PKHD1L1: variants seen among roughly 807,000 people sequenced by gnomAD.
The protein encoded by PKHD1L1 is PKHD1 like 1.
A neutral mutation model predicts 462.9 loss-of-function variants in PKHD1L1; 434 were observed. The ratio of observed to expected loss-of-function variants is 0.94; its 90% confidence interval spans 0.87 to 1.02. The LOEUF is 1.02. Ranked by LOEUF, PKHD1L1 falls within the 50% of genes least tolerant of loss-of-function variation. The pLI is 0.00. For missense variants in PKHD1L1, 5,202 were observed against 5,096.1 expected (o/e 1.02, Z -0.63); for synonymous variants, 1,781 against 1,750.0 (o/e 1.02, Z -0.44).
chr8:109,425,917 G>T (rs1409214303), intron 24 of PKHD1L1, among the ~76,000 whole-genome samples: 1 of 151,954 alleles, frequency 6.6e-6, no homozygotes, highest in African/African-American at 2.4e-5. Flanking sequence ...ACCTGGTTTT[G>T]TTTTCTTTCT....
At chr8:109,441,053 T>C (rs1815758953) in intron 33 of PKHD1L1, among the ~76,000 whole-genome samples, 1 of 152,134 alleles carries the variant, frequency 6.6e-6, no homozygotes, top group Non-Finnish European at 1.5e-5. Context: ...ACTGTGTATT[T>C]AATGTGTATG....
chr8:109,403,949 G>C (rs1034452014), intron 14 of PKHD1L1, among the ~76,000 whole-genome samples: 1 of 152,116 alleles, frequency 6.6e-6, no homozygotes, highest in Non-Finnish European at 1.5e-5. Context: ...TGGGTACACA[G>C]TAGGATGAGG....
chr8:109,440,087 C>T (rs1193541124), intron 32 of PKHD1L1, among the ~76,000 whole-genome samples: 1 of 152,008 alleles, frequency 6.6e-6, no homozygotes, highest in Non-Finnish European at 1.5e-5. Context: ...CAATGATTCA[C>T]GTGATTTTTT....
At chr8:109,399,547 C>T (rs1295375393) in intron 12 of PKHD1L1, among the ~76,000 whole-genome samples, 1 of 151,904 alleles carries the variant, frequency 6.6e-6, no homozygotes, top group Non-Finnish European at 1.5e-5. Context: ...GAGAAGAAAT[C>T]CTAGAGTAGA....
At chr8:109,429,256 G>C in intron 25 of PKHD1L1, 84 bp from the exon 26 acceptor site, 7 of 1,162,852 alleles carry the variant, frequency 6.0e-6, no homozygotes, top group Non-Finnish European at 8.3e-6. Flanking sequence ...ATTCACCTTT[G>C]CCTATGCTGA....
intron 18 of PKHD1L1, among the ~76,000 whole-genome samples, chr8:109,409,548 T>C (rs1586452061): frequency 6.6e-6 from 1 of 152,316 alleles, no homozygotes; most frequent in Non-Finnish European, 1.5e-5. Flanking sequence ...AATTGGGTAC[T>C]AATTAATTTA....
At position 109,424,971 on chromosome 8, in the gene PKHD1L1, T is replaced by C. The variant is rs991861398; in HGVS notation, c.2698-114T>C. ...CACTCCTTAATGTTCTGAAGAATCCTGAATACATGAGGCTCATTTATGTCA... is the reference window on the plus strand; with the variant it reads ...CACTCCTTAATGTTCTGAAGAATCCCGAATACATGAGGCTCATTTATGTCA... On this transcript the variant is annotated intron_variant, in intron 23 of 77. Transcript: ENST00000378402. 5.9e-5 allele frequency: 52 copies of C among 882,340 alleles called. No individual in the cohort carries two copies. The African/African-American group carries it at 8.5e-4, about 14-fold the overall frequency. 54.7% of individuals were successfully genotyped at this position (882,340 alleles called of 1,614,324 possible). A position where few individuals can be genotyped will look rare whatever the true frequency, so the allele number is the denominator to read the frequency against.
chr8:109,466,918 C>G (rs1817471993), intron 50 of PKHD1L1, 149 bp downstream of exon 50: 3 of 747,956 alleles, frequency 4.0e-6, no homozygotes, highest in Non-Finnish European at 6.3e-6. Context: ...AAATAATACT[C>G]TCGAAGTAGG....
chr8:109,373,538 T>A (rs1416143925), intron 2 of PKHD1L1, among the ~76,000 whole-genome samples: 1 of 152,232 alleles, frequency 6.6e-6, no homozygotes, highest in Non-Finnish European at 1.5e-5. Flanking sequence ...ATTTCTTGCC[T>A]TCTGCTAGCT....
intron 35 of PKHD1L1, among the ~76,000 whole-genome samples, 190 bp from the exon 36 acceptor site, chr8:109,442,756 A>T (rs1323282896): frequency 6.6e-6 from 1 of 152,190 alleles, no homozygotes; most frequent in African/African-American, 2.4e-5. Flanking sequence ...ATGGAATGTA[A>T]TTTCGTTACA....
At chr8:109,509,561 G>C (rs930745775) in intron 70 of PKHD1L1, among the ~76,000 whole-genome samples, 1 of 150,406 alleles carries the variant, frequency 6.6e-6, no homozygotes. Flanking sequence ...TGCTATACTA[G>C]ATGGGAAAAA....
At chr8:109,387,090 A>C (rs888575181) in intron 6 of PKHD1L1, among the ~76,000 whole-genome samples, 8 of 152,140 alleles carry the variant, frequency 5.3e-5, no homozygotes, top group Non-Finnish European at 1.0e-4. Context: ...CAGGGCTCCC[A>C]AGGCAATTTA....
Position 109,362,496 on chromosome 8 carries a change from AGCGAGTC to A in PKHD1L1, c.-82_-76del, listed in dbSNP as rs1306373040. On this transcript the variant is annotated 5_prime_UTR_variant, in exon 1 of 78. Coordinates refer to ENST00000378402, the MANE Select transcript of PKHD1L1 (RefSeq NM_177531.6). Reference sequence around the variant, plus strand: ...TCTCCCGGGACGAAGCGGGCCCGCCAGCGAGTCGCAGTCCCAGGAGCCGAGCTCCAGC... The same window carrying A: ...TCTCCCGGGACGAAGCGGGCCCGCCAGCAGTCCCAGGAGCCGAGCTCCAGC... The A allele has an allele frequency of 1.0e-5, 14 of 1,349,926 alleles. No individual in the cohort carries two copies. Among genetic ancestry groups the A allele is most frequent in the African/African-American group, 1.5e-5 (1 of 68,810 alleles). 83.6% of individuals were successfully genotyped at this position (1,349,926 alleles called of 1,614,324 possible).
At chr8:109,486,247 C>T (rs1403170592) in intron 58 of PKHD1L1, among the ~76,000 whole-genome samples, 2 of 151,854 alleles carry the variant, frequency 1.3e-5, no homozygotes, top group Non-Finnish European at 2.9e-5. Flanking sequence ...GTTGATTCTC[C>T]TCCTAGCTTT....
chr8:109,427,069 A>C lies in PKHD1L1; in HGVS notation c.2913A>C (p.Arg971Ser). ...FALQSLEGMG[R>S]ISVTREGTCA... Reference sequence around the variant, plus strand: ...TCCAGAGTCTGGAGGGAATGGGAAGAATCTCAGTTACACGAGAGGGAACCT... The same window carrying C: ...TCCAGAGTCTGGAGGGAATGGGAAGCATCTCAGTTACACGAGAGGGAACCT... The change falls in exon 25 of 78, where the codon AGA becomes AGC. Residue 971 changes from arginine to serine, a missense_variant. Physicochemically the swap from Arg to Ser is moderately radical, Grantham distance 110 (BLOSUM62 -1). Around this residue, in one of 3 missense-constraint regions of PKHD1L1, gnomAD observed 4,497 missense variants for 4,336.8 expected, o/e 1.04. Transcript: ENST00000378402. 1 of 1,613,956 alleles carries C rather than the reference A, an allele frequency of 6.2e-7. No homozygotes were observed. Among genetic ancestry groups the C allele is most frequent in the Non-Finnish European group, 8.5e-7 (1 of 1,179,868 alleles).
At chr8:109,451,938 G>A (rs1816541026) in intron 41 of PKHD1L1, among the ~76,000 whole-genome samples, 186 bp from the exon 42 acceptor site, 2 of 151,410 alleles carry the variant, frequency 1.3e-5, no homozygotes, top group Admixed American at 1.3e-4. Context: ...TAACCTCTTT[G>A]TTTACTTTTT....
At chr8:109,429,898 C>G (rs572314354) in intron 26 of PKHD1L1, 34 bp from the exon 27 acceptor site, 1 of 1,430,912 alleles carries the variant, frequency 7.0e-7, no homozygotes, top group Non-Finnish European at 9.8e-7. Context: ...CCTCTTTGCC[C>G]ATGTTCTGTA....
Position 109,523,231 on chromosome 8 carries a change from A to G in PKHD1L1, c.12331-2A>G, listed in dbSNP as rs200152475. The stretch of plus-strand genomic sequence containing the variant: ...AATTATCTACTTTTTTTTTTTTTTT[A>G]GGGTAACTGTGTATCAGTTGGAATT... On this transcript the variant is annotated splice_acceptor_variant, in intron 75 of 77. Coordinates refer to ENST00000378402, the MANE Select transcript of PKHD1L1 (RefSeq NM_177531.6). LOFTEE classifies it high-confidence loss of function. 2.1e-6 allele frequency: 3 copies of G among 1,457,058 alleles called. No individual in the cohort carries two copies. Among genetic ancestry groups the G allele is most frequent in the Middle Eastern group, 2.2e-4 (1 of 4,534 alleles). The allele number at this position is 1,457,058 out of a possible 1,614,324, so 90.3% of individuals were successfully genotyped here. A position where few individuals can be genotyped will look rare whatever the true frequency, so the allele number is the denominator to read the frequency against.
intron 10 of PKHD1L1, 110 bp downstream of exon 10, chr8:109,394,595 A>T: frequency 1.5e-6 from 1 of 660,844 alleles, no homozygotes; most frequent in African/African-American, 1.9e-5. Context: ...TATTTGATGT[A>T]CTGCTAGGAA....
Sources: allele counts gnomAD v4.1 joint callset (sites outside exome capture counted in the v4.1 genomes callset), GRCh38; gene constraint gnomAD v4.1.1; regional missense constraint gnomAD v4.1.1; transcripts MANE v1.5; gene names NCBI Gene and HGNC (gene_info 2026-07-23, HGNC 2026-07-21).